The following PAMR1 variants were observed in gnomAD, a reference collection of about 807,000 sequenced individuals.
PAMR1 encodes peptidase domain containing associated with muscle regeneration 1.
Under a neutral mutation model 81.8 loss-of-function variants are expected in PAMR1, and 88 were observed. That is an observed-to-expected ratio of 1.08 (90% CI 0.91 to 1.28). The LOEUF is 1.28. PAMR1 is among the 50% of genes most tolerant of loss of function. PAMR1 has a pLI of 0.00. For missense variants in PAMR1, 935 were observed against 919.7 expected (o/e 1.02, Z -0.21); for synonymous variants, 336 against 345.3 (o/e 0.97, Z 0.30).
intron 3 of PAMR1, among the ~76,000 whole-genome samples, chr11:35,488,669 C>CTTTTTTTTT (rs34053329): frequency 2.3e-5 from 1 of 42,936 alleles, no homozygotes; most frequent in Non-Finnish European, 4.2e-5. Context: ...CAAATCTTGC[C>CTTTTTTTTT]TTTTTTTTTT....
chr11:35,510,739 C>T (rs966248486), intron 1 of PAMR1, among the ~76,000 whole-genome samples: 1 of 152,068 alleles, frequency 6.6e-6, no homozygotes, highest in Non-Finnish European at 1.5e-5. Flanking sequence ...GTATCACGAA[C>T]GTTTTCTCTT....
intron 3 of PAMR1, among the ~76,000 whole-genome samples, chr11:35,486,877 A>G (rs764452225): frequency 1.2e-4 from 19 of 152,116 alleles, no homozygotes; most frequent in Non-Finnish European, 2.5e-4. Context: ...ATTGTTTAGA[A>G]ATATTTATCC....
intron 1 of PAMR1, among the ~76,000 whole-genome samples, chr11:35,511,152 A>G (rs931619491): frequency 3.3e-5 from 5 of 152,232 alleles, no homozygotes; most frequent in African/African-American, 1.2e-4. Flanking sequence ...TGTCATAATC[A>G]TCATCATCTT....
chr11:35,470,644 G>T lies in PAMR1; in HGVS notation c.669C>A (p.Ser223=). ...TGGCATGGAAACCGTCAAAATTCTT[G>T]GAGCCATCGGAGTGGAAGAGGACGT... ...SLHVLFHSDG[S]KNFDGFHAIY... is the part of the protein sequence containing the mutation. The change falls in exon 5 of 11, where the codon TCC becomes TCA. Residue 223 remains serine, a synonymous_variant. Transcript: ENST00000619888. 6.2e-7 allele frequency: 1 copy of T among 1,614,152 alleles called. No individual in the cohort carries two copies. Among genetic ancestry groups the T allele is most frequent in the East Asian group, 2.2e-5 (1 of 44,884 alleles).
rs571067348 is a variant in PAMR1, at chr11:35,466,584, G to A, written c.820+1417C>T. Among the ~76,000 whole-genome samples, 1,279 of 151,984 alleles carry A rather than the reference G, an allele frequency of 8.4e-3. 11 individuals are homozygous for A. The highest frequency in any genetic ancestry group is 0.029 in the African/African-American group (1,213 of 41,426). ...CTGTTAAAAATACAAAAAATTAGCC[G>A]GGTGTGGTGGCGGGCGCCTGTAGTC... On this transcript the variant is annotated intron_variant, in intron 6 of 10. Transcript: ENST00000619888.
intron 6 of PAMR1, among the ~76,000 whole-genome samples, chr11:35,446,604 C>T (rs1343695621): frequency 2.6e-5 from 4 of 152,150 alleles, no homozygotes; most frequent in Admixed American, 1.3e-4. Flanking sequence ...ACCCAGGAGT[C>T]GTTCAGGAGC....
intron 1 of PAMR1, among the ~76,000 whole-genome samples, chr11:35,500,412 C>T (rs911459888): frequency 3.3e-5 from 5 of 151,980 alleles, no homozygotes; most frequent in Admixed American, 2.6e-4. Context: ...AGAGATGGGG[C>T]GCTGGAATAC....
intron 6 of PAMR1, among the ~76,000 whole-genome samples, chr11:35,449,102 C>T (rs912446690): frequency 6.6e-6 from 1 of 152,200 alleles, no homozygotes; most frequent in Non-Finnish European, 1.5e-5. Flanking sequence ...TGGGAGGTTC[C>T]ACCCAGTCAG....
intron 3 of PAMR1, among the ~76,000 whole-genome samples, chr11:35,479,569 G>C (rs1391594434): frequency 1.3e-5 from 2 of 152,180 alleles, no homozygotes; most frequent in African/African-American, 4.8e-5. Context: ...GGACAGCTCA[G>C]GTTCTGACCC....
At chr11:35,435,791 C>T in intron 9 of PAMR1, 112 bp downstream of exon 9, 1 of 760,266 alleles carries the variant, frequency 1.3e-6, no homozygotes, top group South Asian at 1.7e-5. Flanking sequence ...CAGATATCAC[C>T]AAACTAGAGA....
Position 35,463,870 on chromosome 11 carries a change from T to C in PAMR1, c.820+4131A>G, listed in dbSNP as rs547618481. On this transcript the variant is annotated intron_variant, in intron 6 of 10. Transcript: ENST00000619888. The stretch of plus-strand genomic sequence containing the variant: ...AGCTGATTATTTTGCATTCTTTATC[T>C]CCTGTCCCATGAAAGTCTGAAGGAG... Among the ~76,000 whole-genome samples, 3 of 152,296 alleles carry C rather than the reference T, an allele frequency of 2.0e-5. No individual in the cohort carries two copies. The South Asian group carries it at 6.2e-4, about 32-fold the overall frequency.
At chr11:35,509,754 G>C (rs1370407534) in intron 1 of PAMR1, among the ~76,000 whole-genome samples, 5 of 152,028 alleles carry the variant, frequency 3.3e-5, no homozygotes, top group African/African-American at 1.2e-4. Flanking sequence ...AGAAAAGAGG[G>C]GTTCACAGAA....
intron 4 of PAMR1, among the ~76,000 whole-genome samples, chr11:35,471,596 C>A (rs1233974185): frequency 2.6e-5 from 4 of 151,754 alleles, no homozygotes; most frequent in Non-Finnish European, 4.4e-5. Flanking sequence ...TAATTCTCAC[C>A]CAAAGAGTAG....
intron 9 of PAMR1, among the ~76,000 whole-genome samples, chr11:35,435,427 C>T (rs1230073498): frequency 2.6e-5 from 4 of 152,152 alleles, no homozygotes; most frequent in East Asian, 1.9e-4. Context: ...AGGCTGGTCT[C>T]GAGCTCCTGA....
chr11:35,441,478 T>C lies in PAMR1; in HGVS notation c.1033+3A>G. Reference sequence around the variant, plus strand: ...GTAGACTTCAGAAACAATTGTAAGTTACCTTTTATGCAGATGGGCTGTTTC... The same window carrying C: ...GTAGACTTCAGAAACAATTGTAAGTCACCTTTTATGCAGATGGGCTGTTTC... On this transcript the variant is annotated splice_donor_region_variant and intron_variant, in intron 7 of 10. Coordinates refer to ENST00000619888, the MANE Select transcript of PAMR1 (RefSeq NM_001001991.3). 1.2e-6 allele frequency: 2 copies of C among 1,606,330 alleles called. No individual in the cohort carries two copies. Among genetic ancestry groups the C allele is most frequent in the Non-Finnish European group, 1.7e-6 (2 of 1,174,682 alleles).
At position 35,492,389 on chromosome 11, in the gene PAMR1, C is replaced by T. The variant is rs548064294; in HGVS notation, c.251-216G>A. Among the ~76,000 whole-genome samples the T allele has an allele frequency of 6.6e-5, 10 of 152,190 alleles. No individual in the cohort carries two copies. In the South Asian group the frequency reaches 8.3e-4, roughly 13 times the overall value. On this transcript the variant is annotated intron_variant, in intron 2 of 10. Transcript: ENST00000619888. ...GGGGAGTTTAGAAGGGTGGTCTCAACGAGTATCCCAGGTAGTGGCTGCTGT... is the reference window on the plus strand; with the variant it reads ...GGGGAGTTTAGAAGGGTGGTCTCAATGAGTATCCCAGGTAGTGGCTGCTGT...
At chr11:35,458,520 A>C (rs1856582449) in intron 6 of PAMR1, among the ~76,000 whole-genome samples, 1 of 152,212 alleles carries the variant, frequency 6.6e-6, no homozygotes, top group Non-Finnish European at 1.5e-5. Flanking sequence ...GGCAGGTACT[A>C]TTCTGTTTCT....
chr11:35,489,561 T>C (rs993588294), intron 3 of PAMR1, among the ~76,000 whole-genome samples: 1 of 152,174 alleles, frequency 6.6e-6, no homozygotes, highest in Non-Finnish European at 1.5e-5. Flanking sequence ...AAACCATCCT[T>C]CATCTCAGAA....
chr11:35,468,366 A>G (rs1443474208), intron 5 of PAMR1, among the ~76,000 whole-genome samples: 4 of 152,252 alleles, frequency 2.6e-5, no homozygotes, highest in Non-Finnish European at 5.9e-5. Flanking sequence ...GAAGACCACA[A>G]GGCAATGCAA....
Sources: gnomAD v4.1 joint callset for allele counts (sites outside exome capture counted in the v4.1 genomes callset) on GRCh38, gnomAD v4.1.1 for gene constraint, MANE v1.5 for transcripts, NCBI Gene and HGNC (gene_info 2026-07-23, HGNC 2026-07-21) for gene names.